SDK1: variants seen among roughly 807,000 people sequenced by gnomAD.
The protein encoded by SDK1 is sidekick cell adhesion molecule 1, also known as protein sidekick-1.
SDK1 carries 157 observed loss-of-function variants against 245.5 expected under a neutral mutation model. That is an observed-to-expected ratio of 0.64 (90% CI 0.56 to 0.73). The LOEUF (loss-of-function observed/expected upper bound fraction) is 0.73. Among genes scored for constraint, SDK1 ranks in the 30% least tolerant of loss-of-function variants. The probability of loss-of-function intolerance (pLI) is 0.00; values close to 1 mark genes in which losing one functional copy is unlikely to be tolerated. For missense variants in SDK1, 3,583 were observed against 3,002.3 expected (o/e 1.19, Z -4.52); for synonymous variants, 1,647 against 1,278.5 (o/e 1.29, Z -6.15).
At chr7:3,947,301 A>T (rs946985714) in intron 5 of SDK1, among the ~76,000 whole-genome samples, 1 of 152,136 alleles carries the variant, frequency 6.6e-6, no homozygotes, top group Non-Finnish European at 1.5e-5. Flanking sequence ...GCAGTTTCAT[A>T]TCGTCCAGGT....
intron 1 of SDK1, among the ~76,000 whole-genome samples, chr7:3,580,660 C>T (rs1780449606): frequency 1.3e-5 from 2 of 151,784 alleles, no homozygotes. Context: ...AATGTAAAAC[C>T]CAAAACTATA....
intron 1 of SDK1, among the ~76,000 whole-genome samples, chr7:3,568,455 C>T (rs889693662): frequency 4.6e-5 from 7 of 151,962 alleles, no homozygotes; most frequent in Non-Finnish European, 8.8e-5. Flanking sequence ...TTCTTCTGGC[C>T]GGAGACCATG....
chr7:3,397,171 C>T (rs905338920), intron 1 of SDK1, among the ~76,000 whole-genome samples: 7 of 151,704 alleles, frequency 4.6e-5, no homozygotes, highest in Non-Finnish European at 1.0e-4. Context: ...ATGTTATAAG[C>T]CTATCAACAA....
chr7:3,709,508 G>C (rs1784980374), intron 4 of SDK1, among the ~76,000 whole-genome samples: 1 of 152,220 alleles, frequency 6.6e-6, no homozygotes, highest in South Asian at 2.1e-4. Flanking sequence ...CATACTCACA[G>C]TTCTTCACCT....
intron 16 of SDK1, among the ~76,000 whole-genome samples, chr7:4,012,659 C>T (rs973307125): frequency 3.7e-5 from 5 of 135,346 alleles, no homozygotes; most frequent in African/African-American, 5.5e-5. Context: ...ATGCAACTTC[C>T]GCTGCCTGGG....
chr7:4,080,062 C>T (rs545499750), intron 22 of SDK1, among the ~76,000 whole-genome samples: 4 of 152,150 alleles, frequency 2.6e-5, no homozygotes, highest in East Asian at 1.9e-4. Context: ...TTTCTGCTGT[C>T]GAGGAGAAAA....
rs369161113 is a variant in SDK1 at position 3,584,968 on chromosome 7, CCCT to C, written c.299-34107_299-34105del. Among the ~76,000 whole-genome samples, 309 of 152,234 alleles carry C rather than the reference CCCT, an allele frequency of 2.0e-3. 3 individuals are homozygous for C. The highest frequency in any genetic ancestry group is 6.7e-3 in the African/African-American group (280 of 41,538). Reference sequence around the variant, plus strand: ...CCCGATCTCCTGACCTCGTAATCTGCCCTCCTCGGCCTCCCAAAGTGCTGGGAT... The same window carrying C: ...CCCGATCTCCTGACCTCGTAATCTGCCCTCGGCCTCCCAAAGTGCTGGGAT... On this transcript the variant is annotated intron_variant, in intron 1 of 44. Coordinates refer to ENST00000404826, the MANE Select transcript of SDK1 (RefSeq NM_152744.4).
intron 17 of SDK1, among the ~76,000 whole-genome samples, chr7:4,018,509 T>G (rs1786601542): frequency 6.6e-6 from 1 of 152,222 alleles, no homozygotes; most frequent in African/African-American, 2.4e-5. Context: ...GATTACTCAT[T>G]TGAAAAGGAA....
At chr7:3,716,827 G>T (rs1475631615) in intron 4 of SDK1, among the ~76,000 whole-genome samples, 2 of 151,544 alleles carry the variant, frequency 1.3e-5, no homozygotes, top group East Asian at 3.9e-4. Context: ...ATAATGTGTT[G>T]CTATAATAGT....
At chr7:3,502,854 A>G (rs1216300178) in intron 1 of SDK1, among the ~76,000 whole-genome samples, 1 of 152,070 alleles carries the variant, frequency 6.6e-6, no homozygotes, top group Non-Finnish European at 1.5e-5. Flanking sequence ...CCTTGAGCAA[A>G]TTGTTTTCTT....
chr7:3,897,398 T>A (rs1250941397), intron 5 of SDK1, among the ~76,000 whole-genome samples: 4 of 152,140 alleles, frequency 2.6e-5, no homozygotes, highest in Admixed American at 2.6e-4. Context: ...ACCATTGTAC[T>A]TCCTGTCTCC....
At chr7:3,962,888 C>A (rs375109803) in intron 9 of SDK1, 37 bp downstream of exon 9, 15 of 1,515,088 alleles carry the variant, frequency 9.9e-6, no homozygotes, top group Non-Finnish European at 1.4e-5. Flanking sequence ...CTGACCTGGA[C>A]GTATCCAGTG....
rs144828980 is a variant in SDK1 at position 3,790,698 on chromosome 7, C to T, written c.714-30752C>T. On this transcript the variant is annotated intron_variant, in intron 4 of 44. Transcript: ENST00000404826. ...ACGCATGCCTGTGATCCCAGCTACT[C>T]GGGAGACTGAGGCAGGAGAATTGCT... 9.1e-3 allele frequency among the ~76,000 whole-genome samples: 1,386 copies of T among 152,148 alleles called. 31 individuals are homozygous for T. The highest frequency in any genetic ancestry group is 0.031 in the African/African-American group (1,296 of 41,500).
rs1287133913 is a variant in SDK1 at position 4,212,910 on chromosome 7, T to C, written c.5539+2748T>C. Among the ~76,000 whole-genome samples, 4 of 152,204 alleles carry C rather than the reference T, an allele frequency of 2.6e-5. 1 individual carries two copies. In the East Asian group the frequency reaches 7.7e-4, roughly 29 times the overall value. ...TCTGCTCCCCAGTCTTCTGTGTTAA[T>C]GGATTTGCAGAATCTCCGTGGAAAC... On this transcript the variant is annotated intron_variant, in intron 38 of 44. Coordinates refer to ENST00000404826, the MANE Select transcript of SDK1 (RefSeq NM_152744.4).
intron 22 of SDK1, among the ~76,000 whole-genome samples, chr7:4,092,012 G>A (rs577329044): frequency 2.6e-5 from 4 of 152,040 alleles, no homozygotes; most frequent in Non-Finnish European, 5.9e-5. Flanking sequence ...CAAAACCGTC[G>A]GGCGTGTAGA....
chr7:3,636,085 C>T (rs1421542173), intron 2 of SDK1, among the ~76,000 whole-genome samples: 1 of 152,168 alleles, frequency 6.6e-6, no homozygotes, highest in Non-Finnish European at 1.5e-5. Flanking sequence ...AAAAGCTGTA[C>T]ATATCTAATG....
intron 22 of SDK1, among the ~76,000 whole-genome samples, chr7:4,100,474 A>G (rs569346674): frequency 1.3e-5 from 2 of 151,986 alleles, no homozygotes; most frequent in African/African-American, 2.4e-5. Flanking sequence ...GCGTGCCCCC[A>G]ATTCCTGTGC....
intron 5 of SDK1, among the ~76,000 whole-genome samples, chr7:3,896,801 A>G (rs182044249): frequency 6.6e-6 from 1 of 152,302 alleles, no homozygotes; most frequent in Non-Finnish European, 1.5e-5. Context: ...AGTCCTCTTC[A>G]CCTACTTAAA....
intron 4 of SDK1, among the ~76,000 whole-genome samples, chr7:3,781,547 C>G (rs1780738370): frequency 6.6e-6 from 1 of 152,118 alleles, no homozygotes; most frequent in African/African-American, 2.4e-5. Flanking sequence ...GCAAAGAAAA[C>G]TAATAAAGCT....
Sources: allele counts gnomAD v4.1 joint callset (sites outside exome capture counted in the v4.1 genomes callset), GRCh38; gene constraint gnomAD v4.1.1; transcripts MANE v1.5; gene names NCBI Gene and HGNC (gene_info 2026-07-23, HGNC 2026-07-21).